SH3BP5L: variants seen among roughly 807,000 people sequenced by gnomAD.
SH3BP5L encodes the protein SH3 binding domain protein 5 like, also known as SH3 domain-binding protein 5-like.
In SH3BP5L, 16 loss-of-function variants were observed where a neutral mutation model predicts 40.9. That is an observed-to-expected ratio of 0.39 (90% CI 0.27 to 0.59). The LOEUF is 0.59. Ranked by LOEUF, SH3BP5L falls within the 20% of genes least tolerant of loss-of-function variation. The pLI, the probability that SH3BP5L is intolerant of heterozygous loss-of-function variation, is 0.53. For missense variants in SH3BP5L, 471 were observed against 544.6 expected (o/e 0.86, Z 1.35); for synonymous variants, 229 against 226.7 (o/e 1.01, Z -0.09).
At position 248,814,496 on chromosome 1, in the gene SH3BP5L, G is replaced by C; in HGVS notation, c.490C>G (p.Arg164Gly). The C allele has an allele frequency of 6.2e-7, 1 of 1,614,186 alleles. No individual in the cohort carries two copies. The highest frequency in any genetic ancestry group is 8.5e-7 in the Non-Finnish European group (1 of 1,180,042). The change falls in exon 5 of 7, where the codon CGA (arginine) becomes GGA (glycine). Residue 164 changes from arginine (R) to glycine (G), a missense_variant. Physicochemically the swap from Arg to Gly is moderately radical, Grantham distance 125 (BLOSUM62 -2). Around this residue, in one of 2 missense-constraint regions of SH3BP5L, gnomAD observed 275 missense variants for 370.1 expected, o/e 0.74. Transcript: ENST00000366472. ...AEQGVMADKNRLDPTWQEMLN... is the reference protein window; with the variant it reads ...AEQGVMADKNGLDPTWQEMLN... ...ATCTCCTGCCACGTGGGGTCCAGTC[G>C]GTTCTTGTCAGCCATGACGCCCTGC...
intron 2 of SH3BP5L, among the ~76,000 whole-genome samples, chr1:248,823,453 C>T (rs776985846): frequency 1.1e-4 from 17 of 152,194 alleles, no homozygotes; most frequent in African/African-American, 4.1e-4. Flanking sequence ...TTGGAGGTAG[C>T]GTGAAACTCA....
intron 2 of SH3BP5L, among the ~76,000 whole-genome samples, chr1:248,819,787 T>G (rs1322012868): frequency 6.6e-6 from 1 of 151,900 alleles, no homozygotes; most frequent in Non-Finnish European, 1.5e-5. Flanking sequence ...TGGGCCGTGT[T>G]CAAAGCCATC....
At position 248,811,979 on chromosome 1, in the gene SH3BP5L, A is replaced by G. The variant is rs1177612288; in HGVS notation, c.1103T>C (p.Leu368Pro). ...SDHVSLDGQE[L>P]GTRSGGRRGS... ...CCGGCGCCCTCCACTCCGCGTTCCCAGCTCTTGGCCGTCCAGACTGACGTG... is the reference window on the plus strand; with the variant it reads ...CCGGCGCCCTCCACTCCGCGTTCCCGGCTCTTGGCCGTCCAGACTGACGTG... The change falls in exon 7 of 7, where the codon CTG (leucine) becomes CCG (proline). Residue 368 changes from leucine to proline, a missense_variant. By Grantham distance (98) the Leu-to-Pro change is moderately conservative. This residue lies in a region of SH3BP5L where 196 missense variants were observed against 174.6 expected (regional missense o/e 1.12). Transcript: ENST00000366472. 6.3e-7 allele frequency: 1 copy of G among 1,599,326 alleles called. No individual in the cohort carries two copies. Among genetic ancestry groups the G allele is most frequent in the Non-Finnish European group, 8.5e-7 (1 of 1,174,056 alleles).
At chr1:248,816,752 A>C (rs1374445307) in intron 3 of SH3BP5L, 70 bp downstream of exon 3, 64 of 1,610,900 alleles carry the variant, frequency 4.0e-5, no homozygotes, top group Non-Finnish European at 5.3e-5. Context: ...CCACTGCCTC[A>C]ATCTGGGAAA....
Position 248,813,188 on chromosome 1 carries a change from C to T in SH3BP5L, c.538-26G>A, listed in dbSNP as rs192395341. ...CTGGCCCAGAGGACACATCACTGAG[C>T]CAGGACCCATGCTTCAGTCTCTGGC... is the stretch of plus-strand genomic sequence containing the variant. On this transcript the variant is annotated intron_variant, in intron 5 of 6. Coordinates refer to ENST00000366472, the MANE Select transcript of SH3BP5L (RefSeq NM_030645.3). 1.1e-3 allele frequency: 1,599 copies of T among 1,502,066 alleles called. 5 individuals are homozygous for T. The highest frequency in any genetic ancestry group is 1.2e-3 in the Non-Finnish European group (1,352 of 1,120,502). 93.0% of individuals were successfully genotyped at this position (1,502,066 alleles called of 1,614,324 possible).
rs201578023 is a variant in SH3BP5L at position 248,824,821 on chromosome 1, C to T, written c.115G>A (p.Gly39Ser). 609 of 1,614,208 alleles carry T rather than the reference C, an allele frequency of 3.8e-4. 4 individuals are homozygous for T. The South Asian group carries it at 6.5e-3, about 17-fold the overall frequency. Residue 39 changes from glycine (G) to serine (S), a missense_variant, in exon 2 of 7, where the codon GGT (glycine) becomes AGT (serine). Transcript: ENST00000366472. ...TTGGCCTCACTGCTGCTGCTTCCAC[C>T]TCCTCCAGGCTCTTCTGCGACTGGG... ...RSPVAEEPGG[G>S]GSSSSEAKLS...
At chr1:248,817,490 C>G (rs1664138817) in intron 2 of SH3BP5L, among the ~76,000 whole-genome samples, 1 of 152,166 alleles carries the variant, frequency 6.6e-6, no homozygotes, top group Non-Finnish European at 1.5e-5. Context: ...CCTAATTGGG[C>G]AGCAGAAGGT....
chr1:248,812,100 G>C lies in SH3BP5L; in HGVS notation c.982C>G (p.Pro328Ala). 1 of 1,611,102 alleles carries C rather than the reference G, an allele frequency of 6.2e-7. No individual in the cohort carries two copies. The highest frequency in any genetic ancestry group is 8.5e-7 in the Non-Finnish European group (1 of 1,178,604). ...EGSSLGPGPA[P>A]DTDTLSLLSL... ...AGCAGACTCAGGGTATCGGTGTCGGGGGCGGGGCCGGGCCCCAGGCTGCTG... is the reference window on the plus strand; with the variant it reads ...AGCAGACTCAGGGTATCGGTGTCGGCGGCGGGGCCGGGCCCCAGGCTGCTG... Residue 328 changes from proline (P) to alanine (A), a missense_variant, in exon 7 of 7, where the codon CCC (proline) becomes GCC (alanine). Physicochemically the swap from Pro to Ala is conservative, Grantham distance 27. Coordinates refer to ENST00000366472, the MANE Select transcript of SH3BP5L (RefSeq NM_030645.3). This position sits in a 1 kb window ranked among gnomAD's most constrained non-coding sequence, Gnocchi z 6.1.
chr1:248,822,824 G>A (rs1664286638), intron 2 of SH3BP5L, among the ~76,000 whole-genome samples: 1 of 152,034 alleles, frequency 6.6e-6, no homozygotes, highest in African/African-American at 2.4e-5. Flanking sequence ...CACAACACCT[G>A]GCTAGCTTTT....
In SH3BP5L at chr1:248,825,899, C is replaced by CCA; in HGVS notation, c.-497_-496insTG. 1.0e-6 allele frequency: 1 copy of CCA among 972,520 alleles called. No individual in the cohort carries two copies. Among genetic ancestry groups the CCA allele is most frequent in the Non-Finnish European group, 1.2e-6 (1 of 818,810 alleles). The allele number at this position is 972,520 out of a possible 1,614,324, so 60.2% of individuals were successfully genotyped here. ...AACAATCTCCCCCCCTCCCTCCCCG[C>CCA]AACAAGCCGATCCAACCAAAAACGA... is the stretch of plus-strand genomic sequence containing the variant. On this transcript the variant is annotated 5_prime_UTR_variant, in exon 1 of 7. Transcript: ENST00000366472.
chr1:248,818,949 G>C (rs1664181627), intron 2 of SH3BP5L, among the ~76,000 whole-genome samples: 1 of 152,208 alleles, frequency 6.6e-6, no homozygotes, highest in South Asian at 2.1e-4. Context: ...ACTTGCACTT[G>C]GCAGTGACAC....
rs1664342815 is a variant in SH3BP5L, at chr1:248,825,057, C to T, written c.-122G>A. The T allele has an allele frequency of 1.4e-6, 2 of 1,446,782 alleles. No homozygotes were observed. The highest frequency in any genetic ancestry group is 1.5e-5 in the South Asian group (1 of 68,484). 89.6% of individuals were successfully genotyped at this position (1,446,782 alleles called of 1,614,324 possible). A position where few individuals can be genotyped will look rare whatever the true frequency, so the allele number is the denominator to read the frequency against. ...GAGAAGAGTTTCTCTTCTCAAAAGG[C>T]AGAAAAGGTGGGCACAGGAAGAACC... On this transcript the variant is annotated 5_prime_UTR_variant, in exon 2 of 7. Coordinates refer to ENST00000366472, the MANE Select transcript of SH3BP5L (RefSeq NM_030645.3).
intron 5 of SH3BP5L, 46 bp from the exon 6 acceptor site, chr1:248,813,208 T>C: frequency 1.4e-6 from 2 of 1,453,172 alleles, no homozygotes; most frequent in Non-Finnish European, 1.8e-6. Flanking sequence ...TGCTTCAGTC[T>C]CTGGCATCTG....
Position 248,812,407 on chromosome 1 carries a change from G to T in SH3BP5L, c.712-37C>A. 1 of 1,532,056 alleles carries T rather than the reference G, an allele frequency of 6.5e-7. No homozygotes were observed. Among genetic ancestry groups the T allele is most frequent in the Non-Finnish European group, 8.9e-7 (1 of 1,121,006 alleles). The allele number at this position is 1,532,056 out of a possible 1,614,324, so 94.9% of individuals were successfully genotyped here. A position where few individuals can be genotyped will look rare whatever the true frequency, so the allele number is the denominator to read the frequency against. ...AGAGCAGAGCAAGGCGACCCATGGG[G>T]CACGTCTCCACCTTCCTCAGCACTC... On this transcript the variant is annotated intron_variant, in intron 6 of 6. Coordinates refer to ENST00000366472, the MANE Select transcript of SH3BP5L (RefSeq NM_030645.3). This position sits in a 1 kb window ranked among gnomAD's most constrained non-coding sequence, Gnocchi z 6.1.
intron 2 of SH3BP5L, chr1:248,820,448 G>A (rs1664229413): frequency 1.3e-5 from 2 of 152,222 alleles, no homozygotes; most frequent in Non-Finnish European, 1.5e-5. Context: ...GCCTACAGGG[G>A]CTTTTAGGCT....
At chr1:248,814,883 G>A in intron 4 of SH3BP5L, 1 of 542,546 alleles carries the variant, frequency 1.8e-6, no homozygotes, top group South Asian at 1.6e-5. Flanking sequence ...TTCCCCTAGG[G>A]AAAACAAAGG....
In SH3BP5L at chr1:248,812,976, C is replaced by G; in HGVS notation, c.711+13G>C. 6.4e-7 allele frequency: 1 copy of G among 1,563,944 alleles called. No homozygotes were observed. Among genetic ancestry groups the G allele is most frequent in the Non-Finnish European group, 8.7e-7 (1 of 1,148,310 alleles). The stretch of plus-strand genomic sequence containing the variant: ...ACCTACCCATTCCTCCTCCCCCTCA[C>G]CCACTCAGCTACCTCCAGGATCTGG... On this transcript the variant is annotated intron_variant, in intron 6 of 6. Coordinates refer to ENST00000366472, the MANE Select transcript of SH3BP5L (RefSeq NM_030645.3). This position sits in a 1 kb window ranked among gnomAD's most constrained non-coding sequence, Gnocchi z 6.1.
Position 248,814,682 on chromosome 1 carries a change from G to A in SH3BP5L, c.376-72C>T, listed in dbSNP as rs181473908. The A allele has an allele frequency of 7.5e-5, 113 of 1,510,258 alleles. No homozygotes were observed. In the East Asian group the frequency reaches 1.7e-3, roughly 23 times the overall value. 93.6% of individuals were successfully genotyped at this position (1,510,258 alleles called of 1,614,324 possible). On this transcript the variant is annotated intron_variant, in intron 4 of 6. Transcript: ENST00000366472. ...CTGCCCATGGAGACCCATAATAGACGTGAGGATAAGAGAAGGAGGAAGGCC... is the reference window on the plus strand; with the variant it reads ...CTGCCCATGGAGACCCATAATAGACATGAGGATAAGAGAAGGAGGAAGGCC...
chr1:248,824,684 T>A, intron 2 of SH3BP5L, 69 bp downstream of exon 2: 2 of 1,559,624 alleles, frequency 1.3e-6, no homozygotes, highest in Non-Finnish European at 1.7e-6. Context: ...TAAGCCCTCA[T>A]TCATCCAACA....
Sources: allele counts gnomAD v4.1 joint callset (sites outside exome capture counted in the v4.1 genomes callset), GRCh38; gene constraint gnomAD v4.1.1; regional missense constraint gnomAD v4.1.1; non-coding constraint Gnocchi (gnomAD v3.1); transcripts MANE v1.5; gene names NCBI Gene and HGNC (gene_info 2026-07-23, HGNC 2026-07-21).